Variants in KAT6A observed in about 807,000 individuals in gnomAD.
The protein encoded by KAT6A is histone acetyltransferase KAT6A.
In KAT6A, 9 loss-of-function variants were observed where a neutral mutation model predicts 198.4. That is an observed-to-expected ratio of 0.05 (90% confidence interval 0.03 to 0.08). The LOEUF is 0.08. KAT6A is among the 10% of genes least tolerant of loss of function. The pLI is 1.00. For synonymous variants in KAT6A, 890 were observed against 883.0 expected (o/e 1.01, Z -0.14); for missense variants, 2,077 against 2,509.9 (o/e 0.83, Z 3.69).
chr8:42,046,209 T>C (rs1352280684), intron 2 of KAT6A, among the ~76,000 whole-genome samples: 1 of 152,174 alleles, frequency 6.6e-6, no homozygotes, highest in African/African-American at 2.4e-5. Flanking sequence ...TAAAATTATC[T>C]ATTGATAATT....
At position 41,978,653 on chromosome 8, in the gene KAT6A, T is replaced by C. The variant is rs765201387; in HGVS notation, c.1032A>G (p.Lys344=). The C allele has an allele frequency of 1.9e-6, 3 of 1,614,072 alleles. No homozygotes were observed. Among genetic ancestry groups the C allele is most frequent in the Non-Finnish European group, 2.5e-6 (3 of 1,179,944 alleles). Residue 344 remains lysine (K), a synonymous_variant, in exon 6 of 17, where the codon AAA becomes AAG. Coordinates refer to ENST00000265713, the MANE Select transcript of KAT6A (RefSeq NM_006766.5). ...PIGRPKNRLK[K]QNTVSKGPFS... is the part of the protein sequence containing the mutation. Reference sequence around the variant, plus strand: ...CAAGTACAACTTACACCGTGTTTTGTTTCTTTAACCTGTTTTTTGGACGTC... The same window carrying C: ...CAAGTACAACTTACACCGTGTTTTGCTTCTTTAACCTGTTTTTTGGACGTC...
At position 41,934,221 on chromosome 8, in the gene KAT6A, C is replaced by T. The variant is rs1821727633; in HGVS notation, c.3999G>A (p.Glu1333=). ...TGACATCTTCCCTCGTGGGCTGTTC[C>T]TCTAGCTCCTTTTTCTTTGTGGACT... ...HLESTKKKEL[E]EQPTREDVKE... Residue 1333 remains glutamate, a synonymous_variant, in exon 17 of 17, where the codon GAG becomes GAA. Transcript: ENST00000265713. 1 of 1,614,134 alleles carries T rather than the reference C, an allele frequency of 6.2e-7. No individual in the cohort carries two copies.
intron 2 of KAT6A, among the ~76,000 whole-genome samples, chr8:42,025,377 A>G (rs1367012558): frequency 6.6e-6 from 1 of 151,642 alleles, no homozygotes; most frequent in Non-Finnish European, 1.5e-5. Context: ...ATGCCTGGCT[A>G]ATTTTTTGTA....
At chr8:41,995,463 C>A (rs1045148068) in intron 2 of KAT6A, among the ~76,000 whole-genome samples, 15 of 152,138 alleles carry the variant, frequency 9.9e-5, no homozygotes, top group Admixed American at 2.6e-4. Flanking sequence ...GAGGCAAACA[C>A]AGGGTGGATG....
At position 41,936,290 on chromosome 8, in the gene KAT6A, TA is replaced by T. The variant is rs1821853456; in HGVS notation, c.3352+965del. Among the ~76,000 whole-genome samples, 3 of 152,164 alleles carry T rather than the reference TA, an allele frequency of 2.0e-5. No homozygotes were observed. In the South Asian group the frequency reaches 6.2e-4, roughly 32 times the overall value. ...AAATAAAAAATAAAAAATAAAAAAGTATTTGTTATATAGAAAATATGAGAAT... is the reference window on the plus strand; with the variant it reads ...AAATAAAAAATAAAAAATAAAAAAGTTTTGTTATATAGAAAATATGAGAAT... On this transcript the variant is annotated intron_variant, in intron 16 of 16. Transcript: ENST00000265713.
At chr8:42,009,919 A>AG (rs1391709483) in intron 2 of KAT6A, among the ~76,000 whole-genome samples, 1 of 144,080 alleles carries the variant, frequency 6.9e-6, no homozygotes, top group Non-Finnish European at 1.5e-5. Context: ...AAAAAACAAA[A>AG]AAAAACAAAA....
At chr8:41,999,292 C>T (rs1400958449) in intron 2 of KAT6A, among the ~76,000 whole-genome samples, 1 of 152,192 alleles carries the variant, frequency 6.6e-6, no homozygotes, top group Admixed American at 6.5e-5. Context: ...TATTTGAAAG[C>T]TCCACTTTCT....
At chr8:41,944,342 C>T (rs1463305144) in intron 12 of KAT6A, among the ~76,000 whole-genome samples, 1 of 152,168 alleles carries the variant, frequency 6.6e-6, no homozygotes, top group Non-Finnish European at 1.5e-5. Flanking sequence ...TGTATCTGAA[C>T]TGAGAAGTAC....
At position 41,930,920 on chromosome 8, in the gene KAT6A, C is replaced by A; in HGVS notation, c.*1285G>T. 4.8e-6 allele frequency: 1 copy of A among 209,946 alleles called. No individual in the cohort carries two copies. Among genetic ancestry groups the A allele is most frequent in the Non-Finnish European group, 9.7e-6 (1 of 103,340 alleles). The allele number at this position is 209,946 out of a possible 1,614,324, so 13.0% of individuals were successfully genotyped here. A position where few individuals can be genotyped will look rare whatever the true frequency, so the allele number is the denominator to read the frequency against. On this transcript the variant is annotated 3_prime_UTR_variant, in exon 17 of 17. Coordinates refer to ENST00000265713, the MANE Select transcript of KAT6A (RefSeq NM_006766.5). ...TCTGTCCCTCTTCTCATTAGCCACT[C>A]ACAGGAGAGGTGCTTGTGCACTCTG...
intron 2 of KAT6A, among the ~76,000 whole-genome samples, chr8:42,031,530 C>T (rs1331210598): frequency 6.6e-6 from 1 of 150,546 alleles, no homozygotes; most frequent in Non-Finnish European, 1.5e-5. Context: ...TTAGAAAGTG[C>T]TGCAAGCTGG....
chr8:41,981,449 T>C (rs569073099), intron 4 of KAT6A, among the ~76,000 whole-genome samples: 48 of 152,340 alleles, frequency 3.2e-4, no homozygotes, highest in African/African-American at 1.2e-3. Context: ...TAAAGTTTCA[T>C]TAGTTTCAAG....
In KAT6A at chr8:41,931,565, GGTGT is replaced by G. The variant is rs552499487; in HGVS notation, c.*636_*639del. ...ACATTCTTGGGGAAGGGTTTCAAGA[GGTGT>G]GTGTGTGTGAGGAGTGGAGGGGATT... On this transcript the variant is annotated 3_prime_UTR_variant, in exon 17 of 17. Coordinates refer to ENST00000265713, the MANE Select transcript of KAT6A (RefSeq NM_006766.5). The G allele has an allele frequency of 5.4e-4, 110 of 204,650 alleles. 3 individuals carry two copies. In the Admixed American group the frequency reaches 6.5e-3, roughly 12 times the overall value. The allele number at this position is 204,650 out of a possible 1,614,324, so 12.7% of individuals were successfully genotyped here. A position where few individuals can be genotyped will look rare whatever the true frequency, so the allele number is the denominator to read the frequency against.
At chr8:42,040,454 CTGGGCA>C (rs1295820213) in intron 2 of KAT6A, among the ~76,000 whole-genome samples, 1 of 152,058 alleles carries the variant, frequency 6.6e-6, no homozygotes, top group Non-Finnish European at 1.5e-5. Context: ...AAATTGGTGG[CTGGGCA>C]TGGTGGCTCA....
intron 8 of KAT6A, among the ~76,000 whole-genome samples, chr8:41,962,710 CAA>C (rs1298028645): frequency 2.0e-5 from 3 of 152,106 alleles, no homozygotes; most frequent in Non-Finnish European, 4.4e-5. Flanking sequence ...GAGTAAAAGT[CAA>C]AGTCCTTACA....
At chr8:41,957,509 T>C (rs1822983463) in intron 8 of KAT6A, 3 of 314,746 alleles carry the variant, frequency 9.5e-6, no homozygotes, top group Admixed American at 4.6e-5. Context: ...GCTAAACATG[T>C]GACTTTCCAA....
intron 15 of KAT6A, 71 bp from the exon 16 acceptor site, chr8:41,937,639 T>C: frequency 8.1e-7 from 1 of 1,236,728 alleles, no homozygotes; most frequent in Admixed American, 2.5e-5. Context: ...CGAAAACAGT[T>C]TTAAAACCAA....
chr8:41,974,574 T>A, intron 8 of KAT6A, 130 bp downstream of exon 8: 1 of 619,128 alleles, frequency 1.6e-6, no homozygotes, highest in Non-Finnish European at 2.9e-6. Context: ...GAACTACATA[T>A]ACACACAAAC....
chr8:41,937,714 A>G (rs1821924766), intron 15 of KAT6A, 146 bp from the exon 16 acceptor site: 1 of 627,454 alleles, frequency 1.6e-6, no homozygotes, highest in African/African-American at 1.8e-5. Flanking sequence ...ATTATTTCAA[A>G]ATACTATAGT....
At chr8:41,999,402 T>C (rs1221466883) in intron 2 of KAT6A, among the ~76,000 whole-genome samples, 2 of 152,198 alleles carry the variant, frequency 1.3e-5, no homozygotes, top group Non-Finnish European at 2.9e-5. Context: ...CTTTCTACTT[T>C]AGTTTCTTTT....
Sources: allele counts gnomAD v4.1 joint callset (sites outside exome capture counted in the v4.1 genomes callset), GRCh38; gene constraint gnomAD v4.1.1; transcripts MANE v1.5; gene names NCBI Gene and HGNC (gene_info 2026-07-23, HGNC 2026-07-21).